Variants in MTSS1 observed in about 807,000 individuals in gnomAD.
The protein encoded by MTSS1 is protein MTSS 1.
A neutral mutation model predicts 79.0 loss-of-function variants in MTSS1; 18 were observed. That is an observed-to-expected ratio of 0.23 (90% confidence interval 0.16 to 0.34). The LOEUF is 0.34. MTSS1 is among the 10% of genes least tolerant of loss of function. MTSS1 has a pLI of 1.00. For missense variants in MTSS1, 815 were observed against 986.2 expected, an observed-to-expected ratio of 0.83 and a Z score of 2.33; for synonymous variants, 341 against 368.6, an observed-to-expected ratio of 0.93 and a Z score of 0.86.
At chr8:124,600,001 G>A (rs1833490357) in intron 3 of MTSS1, among the ~76,000 whole-genome samples, 1 of 150,966 alleles carries the variant, frequency 6.6e-6, no homozygotes, top group South Asian at 2.1e-4. Context: ...CTTTGCAAGG[G>A]TCTGCCTGGC....
intron 3 of MTSS1, among the ~76,000 whole-genome samples, chr8:124,626,212 T>C (rs1355604808): frequency 6.6e-6 from 1 of 151,790 alleles, no homozygotes; most frequent in Non-Finnish European, 1.5e-5. Context: ...CTTCCAGGAG[T>C]GGAATTATTT....
At chr8:124,698,625 C>A (rs1829247054) in intron 3 of MTSS1, among the ~76,000 whole-genome samples, 1 of 151,504 alleles carries the variant, frequency 6.6e-6, no homozygotes, top group African/African-American at 2.4e-5. Flanking sequence ...AACTGTCATG[C>A]CTCAGCCTCC....
At chr8:124,686,217 A>G (rs1826952702) in intron 3 of MTSS1, among the ~76,000 whole-genome samples, 1 of 152,140 alleles carries the variant, frequency 6.6e-6, no homozygotes, top group African/African-American at 2.4e-5. Context: ...CCGCCTCCCC[A>G]TCCAGCTCCG....
At chr8:124,703,025 C>A (rs1056249797) in intron 2 of MTSS1, among the ~76,000 whole-genome samples, 2 of 152,134 alleles carry the variant, frequency 1.3e-5, no homozygotes, top group Non-Finnish European at 2.9e-5. Flanking sequence ...TTTACGGAGG[C>A]ATAATTTACA....
intron 3 of MTSS1, among the ~76,000 whole-genome samples, chr8:124,626,213 G>C (rs1018021069): frequency 2.0e-5 from 3 of 152,178 alleles, no homozygotes; most frequent in Admixed American, 6.5e-5. Context: ...TTCCAGGAGT[G>C]GAATTATTTC....
chr8:124,657,804 T>C (rs12545265), intron 3 of MTSS1, among the ~76,000 whole-genome samples: 6,168 of 152,266 alleles, frequency 0.041, 273 homozygotes, highest in East Asian at 0.19. Context: ...TTCAAGCTGT[T>C]AAATTACAGC....
At chr8:124,672,824 C>T (rs536846314) in intron 3 of MTSS1, among the ~76,000 whole-genome samples, 1 of 151,932 alleles carries the variant, frequency 6.6e-6, no homozygotes, top group South Asian at 2.1e-4. Context: ...TAAATACACA[C>T]ATGCACACAC....
chr8:124,668,451 C>T (rs1459839177), intron 3 of MTSS1, among the ~76,000 whole-genome samples: 1 of 152,208 alleles, frequency 6.6e-6, no homozygotes, highest in Non-Finnish European at 1.5e-5. Flanking sequence ...GAAAACCCGC[C>T]TTTCTCGTTC....
chr8:124,714,225 C>T (rs894278783), intron 1 of MTSS1, among the ~76,000 whole-genome samples: 1 of 152,098 alleles, frequency 6.6e-6, no homozygotes, highest in Non-Finnish European at 1.5e-5. Context: ...CTGAAGGCAC[C>T]GCCTCACATG....
Position 124,551,613 on chromosome 8 carries a change from G to GACTT in MTSS1, c.*1375_*1378dup, listed in dbSNP as rs1412327817. ...CCCTGTTATGACCTGACTGCTAAGG[G>GACTT]ACTTGCTTGCTTTCTTAAACACTAT... is the stretch of plus-strand genomic sequence containing the variant. On this transcript the variant is annotated 3_prime_UTR_variant, in exon 14 of 14. Transcript: ENST00000518547. 3.5e-4 allele frequency: 54 copies of GACTT among 152,666 alleles called. No homozygotes were observed. The highest frequency in any genetic ancestry group is 1.2e-3 in the African/African-American group (49 of 41,566). 9.5% of individuals were successfully genotyped at this position (152,666 alleles called of 1,614,324 possible). A position where few individuals can be genotyped will look rare whatever the true frequency, so the allele number is the denominator to read the frequency against.
chr8:124,666,318 A>G (rs1192797490), intron 3 of MTSS1, among the ~76,000 whole-genome samples: 2 of 152,248 alleles, frequency 1.3e-5, no homozygotes, highest in Non-Finnish European at 2.9e-5. Flanking sequence ...ACACAAGGGC[A>G]AGGCAGCCAT....
In MTSS1 at chr8:124,699,390, G is replaced by A. The variant is rs1296078300; in HGVS notation, c.208+136C>T. 2.0e-5 allele frequency: 14 copies of A among 709,666 alleles called. No individual in the cohort carries two copies. The East Asian group carries it at 4.1e-4, about 21-fold the overall frequency. 44.0% of individuals were successfully genotyped at this position (709,666 alleles called of 1,614,324 possible). A position where few individuals can be genotyped will look rare whatever the true frequency, so the allele number is the denominator to read the frequency against. On this transcript the variant is annotated intron_variant, in intron 3 of 13. Coordinates refer to ENST00000518547, the MANE Select transcript of MTSS1 (RefSeq NM_014751.6). ...AACTTCTAATATGTGGAATCCCACA[G>A]AGTTTTAAAAAATGGGAAAATACGA...
At chr8:124,603,972 C>A (rs1834360743) in intron 3 of MTSS1, among the ~76,000 whole-genome samples, 1 of 152,072 alleles carries the variant, frequency 6.6e-6, no homozygotes. Flanking sequence ...AAAAAACAAA[C>A]AGGCTGGGCA....
intron 6 of MTSS1, among the ~76,000 whole-genome samples, chr8:124,573,536 A>G (rs935634683): frequency 6.6e-6 from 1 of 152,268 alleles, no homozygotes; most frequent in African/African-American, 2.4e-5. Context: ...CTCCTCAGTC[A>G]GCACACTTGC....
At chr8:124,719,085 C>T (rs770413788) in intron 1 of MTSS1, among the ~76,000 whole-genome samples, 1 of 152,114 alleles carries the variant, frequency 6.6e-6, no homozygotes, top group African/African-American at 2.4e-5. Context: ...GCTGCAAAAG[C>T]GAGAGAGAGC....
intron 1 of MTSS1, among the ~76,000 whole-genome samples, chr8:124,717,213 T>C (rs975162313): frequency 3.3e-5 from 5 of 152,030 alleles, no homozygotes; most frequent in Admixed American, 2.0e-4. Context: ...AGCACCAGAC[T>C]GGGCATGGTG....
chr8:124,598,193 G>A (rs748731443), intron 3 of MTSS1, among the ~76,000 whole-genome samples: 6 of 152,164 alleles, frequency 3.9e-5, no homozygotes, highest in African/African-American at 9.7e-5. Flanking sequence ...CACTCAGGAG[G>A]CTGAGGTGAG....
chr8:124,591,559 C>A (rs1418013291), intron 3 of MTSS1, among the ~76,000 whole-genome samples: 2 of 152,128 alleles, frequency 1.3e-5, no homozygotes, highest in African/African-American at 4.8e-5. Flanking sequence ...ACCTATAAAT[C>A]GACCATGACC....
chr8:124,718,984 TC>T (rs1832525018), intron 1 of MTSS1, among the ~76,000 whole-genome samples: 1 of 152,128 alleles, frequency 6.6e-6, no homozygotes, highest in Admixed American at 6.5e-5. Context: ...TTTTGTGTGT[TC>T]TTATCTGTCT....
Sources: gnomAD v4.1 joint callset for allele counts (sites outside exome capture counted in the v4.1 genomes callset) on GRCh38, gnomAD v4.1.1 for gene constraint, MANE v1.5 for transcripts, NCBI Gene and HGNC (gene_info 2026-07-23, HGNC 2026-07-21) for gene names.